The following CELF4 variants were observed in gnomAD, a reference collection of about 807,000 sequenced individuals.
CELF4 encodes the protein CUGBP Elav-like family member 4, also known as CUG-BP- and ETR-3-like factor 4.
Under a neutral mutation model 59.9 loss-of-function variants are expected in CELF4, and 18 were observed. The ratio of observed to expected loss-of-function variants is 0.30; its 90% CI spans 0.21 to 0.45. CELF4 has a LOEUF of 0.45. CELF4 is among the 20% of genes least tolerant of loss of function. CELF4 has a pLI of 1.00. For missense variants in CELF4, 456 were observed against 689.0 expected, an observed-to-expected ratio of 0.66 and a Z score of 3.79; for synonymous variants, 261 against 267.1, an observed-to-expected ratio of 0.98 and a Z score of 0.22.
chr18:37,253,738 G>T lies in CELF4; in HGVS notation c.*44+29C>A. Reference sequence around the variant, plus strand: ...TCCGTCTGGTTCCCTCCCAACCCCCGTCCCCGCGCCCCGGCCGCCCCCGGT... The same window carrying T: ...TCCGTCTGGTTCCCTCCCAACCCCCTTCCCCGCGCCCCGGCCGCCCCCGGT... On this transcript the variant is annotated intron_variant, in intron 12 of 12. Transcript: ENST00000420428. The surrounding 1 kb of genome is among the most constrained non-coding windows in gnomAD (Gnocchi z 4.5). 1 of 1,516,818 alleles carries T rather than the reference G, an allele frequency of 6.6e-7. No homozygotes were observed. Among genetic ancestry groups the T allele is most frequent in the Non-Finnish European group, 8.9e-7 (1 of 1,124,862 alleles). The allele number at this position is 1,516,818 out of a possible 1,614,324, so 94.0% of individuals were successfully genotyped here.
At chr18:37,280,162 G>A (rs764908543) in intron 3 of CELF4, among the ~76,000 whole-genome samples, 13 of 152,298 alleles carry the variant, frequency 8.5e-5, no homozygotes, top group Middle Eastern at 3.4e-3. Context: ...CCCCACCTGC[G>A]CAGGAGCTGG....
rs144982441 is a variant in CELF4, at chr18:37,337,578, C to A, written c.370-15697G>T. Among the ~76,000 whole-genome samples the A allele has an allele frequency of 9.8e-3, 1,489 of 152,278 alleles. 14 individuals are homozygous for A. Among genetic ancestry groups the A allele is most frequent in the South Asian group, 0.056 (271 of 4,826 alleles). On this transcript the variant is annotated intron_variant, in intron 2 of 12. Transcript: ENST00000420428. The stretch of plus-strand genomic sequence containing the variant: ...GCCCTGGCATGTTCCGGAGGGCCTG[C>A]GGAGGAAATGCCCCTGCAAGGAGGC...
chr18:37,416,719 G>A (rs1276708320), intron 2 of CELF4, among the ~76,000 whole-genome samples: 1 of 152,164 alleles, frequency 6.6e-6, no homozygotes, highest in Non-Finnish European at 1.5e-5. Context: ...CTAGGGGATG[G>A]GAGACTCCAG....
intron 3 of CELF4, among the ~76,000 whole-genome samples, chr18:37,297,706 A>C (rs1255736619): frequency 6.6e-6 from 1 of 152,214 alleles, no homozygotes; most frequent in Non-Finnish European, 1.5e-5. Context: ...AGGGTCCCCA[A>C]AGGCAGGTTC....
At chr18:37,347,882 C>T (rs1250067383) in intron 2 of CELF4, among the ~76,000 whole-genome samples, 1 of 152,164 alleles carries the variant, frequency 6.6e-6, no homozygotes, top group African/African-American at 2.4e-5. Context: ...AGGCTCAATC[C>T]AAGATGGGCC....
chr18:37,488,236 C>G (rs988611240), intron 1 of CELF4, among the ~76,000 whole-genome samples: 1 of 152,158 alleles, frequency 6.6e-6, no homozygotes, highest in Non-Finnish European at 1.5e-5. Context: ...GACCCTGACC[C>G]CTTTTCCTGT....
In CELF4 at chr18:37,486,690, T is replaced by G. The variant is rs555909668; in HGVS notation, c.287-1083A>C. Among the ~76,000 whole-genome samples, 3 of 152,332 alleles carry G rather than the reference T, an allele frequency of 2.0e-5. No individual in the cohort carries two copies. The East Asian group carries it at 5.8e-4, about 29-fold the overall frequency. ...TTCTGGTGAACAGTCACCTCAGACC[T>G]TTTCAAGCCACCCATGGCCCCAGAG... On this transcript the variant is annotated intron_variant, in intron 1 of 12. Coordinates refer to ENST00000420428, the MANE Select transcript of CELF4 (RefSeq NM_020180.4).
chr18:37,327,721 A>T (rs1027537781), intron 2 of CELF4, among the ~76,000 whole-genome samples: 1 of 152,078 alleles, frequency 6.6e-6, no homozygotes, highest in Admixed American at 6.5e-5. Flanking sequence ...CTCCCTCGGG[A>T]CAGCTGTCAC....
At chr18:37,431,195 G>A (rs1213955671) in intron 2 of CELF4, among the ~76,000 whole-genome samples, 2 of 152,090 alleles carry the variant, frequency 1.3e-5, no homozygotes, top group Non-Finnish European at 2.9e-5. Flanking sequence ...CGTACAGTAG[G>A]TGCCTAATTA....
At chr18:37,490,869 G>C (rs1316337340) in intron 1 of CELF4, among the ~76,000 whole-genome samples, 1 of 152,160 alleles carries the variant, frequency 6.6e-6, no homozygotes, top group African/African-American at 2.4e-5. Flanking sequence ...CTGCCCCACT[G>C]TCTGGGATGG....
intron 2 of CELF4, among the ~76,000 whole-genome samples, chr18:37,450,551 G>T (rs572635169): frequency 4.0e-5 from 6 of 151,878 alleles, no homozygotes; most frequent in Admixed American, 1.3e-4. Context: ...GATAAAGTGC[G>T]CACAGCTGCT....
At chr18:37,478,531 T>A (rs2099857026) in intron 2 of CELF4, among the ~76,000 whole-genome samples, 1 of 151,588 alleles carries the variant, frequency 6.6e-6, no homozygotes, top group Admixed American at 6.6e-5. Flanking sequence ...GCTTGAAAAA[T>A]GTGGAACCCT....
At position 37,320,174 on chromosome 18, in the gene CELF4, A is replaced by G. The variant is rs774584069; in HGVS notation, c.448+1629T>C. 9.2e-5 allele frequency among the ~76,000 whole-genome samples: 14 copies of G among 152,196 alleles called. No individual in the cohort carries two copies. The East Asian group carries it at 2.7e-3, about 29-fold the overall frequency. On this transcript the variant is annotated intron_variant, in intron 3 of 12. Coordinates refer to ENST00000420428, the MANE Select transcript of CELF4 (RefSeq NM_020180.4). The stretch of plus-strand genomic sequence containing the variant: ...AACACAGTGAAACCCCATCTCTACT[A>G]AAAATACAAAAATTAGCTGGGTGTG...
chr18:37,460,461 T>A (rs2099790487), intron 2 of CELF4, among the ~76,000 whole-genome samples: 1 of 152,218 alleles, frequency 6.6e-6, no homozygotes, highest in Non-Finnish European at 1.5e-5. Context: ...TCTCTGCTTC[T>A]GTGCTATGGA....
At chr18:37,513,168 A>C (rs1169413981) in intron 1 of CELF4, among the ~76,000 whole-genome samples, 2 of 152,202 alleles carry the variant, frequency 1.3e-5, no homozygotes, top group Admixed American at 6.5e-5. Flanking sequence ...GGAACTGAGA[A>C]TGGAACAACA....
At chr18:37,522,862 G>T (rs1041285439) in intron 1 of CELF4, among the ~76,000 whole-genome samples, 1 of 152,082 alleles carries the variant, frequency 6.6e-6, no homozygotes, top group African/African-American at 2.4e-5. Context: ...GCATTGCATT[G>T]TCTCCTTCCC....
At chr18:37,289,199 C>A (rs1221936504) in intron 3 of CELF4, among the ~76,000 whole-genome samples, 4 of 151,500 alleles carry the variant, frequency 2.6e-5, no homozygotes, top group African/African-American at 4.9e-5. Flanking sequence ...GCAGAGGGGG[C>A]AGTACACGGT....
chr18:37,348,195 G>T (rs1461929700), intron 2 of CELF4, among the ~76,000 whole-genome samples: 1 of 151,550 alleles, frequency 6.6e-6, no homozygotes, highest in Non-Finnish European at 1.5e-5. Flanking sequence ...ACAGAGATCA[G>T]TTACTATTTG....
At chr18:37,406,740 C>T (rs2099391857) in intron 2 of CELF4, among the ~76,000 whole-genome samples, 1 of 152,152 alleles carries the variant, frequency 6.6e-6, no homozygotes, top group Admixed American at 6.5e-5. Flanking sequence ...CCTTTGAGTG[C>T]AGGGCCCTGT....
Sources: allele counts gnomAD v4.1 joint callset (sites outside exome capture counted in the v4.1 genomes callset), GRCh38; gene constraint gnomAD v4.1.1; non-coding constraint Gnocchi (gnomAD v3.1); transcripts MANE v1.5; gene names NCBI Gene and HGNC (gene_info 2026-07-23, HGNC 2026-07-21).